Variants in MAP3K2 observed in about 807,000 individuals in gnomAD.
MAP3K2 encodes mitogen-activated protein kinase kinase kinase 2.
A neutral mutation model predicts 80.3 loss-of-function variants in MAP3K2; 24 were observed. The observed-to-expected ratio is 0.30, with a 90% CI of 0.22 to 0.42. MAP3K2 has a LOEUF of 0.42. MAP3K2 is among the 10% of genes least tolerant of loss of function. The pLI is 1.00. For synonymous variants in MAP3K2, 244 were observed against 253.7 expected (o/e 0.96, Z 0.36); for missense variants, 608 against 750.1 (o/e 0.81, Z 2.21).
chr2:127,316,508 T>C (rs1573979596), intron 14 of MAP3K2, among the ~76,000 whole-genome samples: 1 of 152,252 alleles, frequency 6.6e-6, no homozygotes, highest in South Asian at 2.1e-4. Context: ...TTATAACTCC[T>C]AATGAAATTA....
At chr2:127,338,861 A>C (rs1686424446) in intron 3 of MAP3K2, 71 bp downstream of exon 3, 25 of 1,043,742 alleles carry the variant, frequency 2.4e-5, no homozygotes, top group Non-Finnish European at 3.5e-5. Context: ...GAACACATTA[A>C]ACAAGTCCTC....
chr2:127,312,209 A>T (rs1458218493), intron 15 of MAP3K2, among the ~76,000 whole-genome samples: 3 of 152,232 alleles, frequency 2.0e-5, no homozygotes, highest in African/African-American at 7.2e-5. Flanking sequence ...TTCTATGAAG[A>T]TAAGTTTCCT....
chr2:127,373,151 T>C (rs2104891026), intron 1 of MAP3K2, among the ~76,000 whole-genome samples: 1 of 152,350 alleles, frequency 6.6e-6, no homozygotes, highest in East Asian at 1.9e-4. Flanking sequence ...TCCTACCATG[T>C]GTCAGTATCA....
At chr2:127,378,480 C>G (rs748111947) in intron 1 of MAP3K2, among the ~76,000 whole-genome samples, 1 of 151,834 alleles carries the variant, frequency 6.6e-6, no homozygotes, top group Non-Finnish European at 1.5e-5. Context: ...ATCAACTTAC[C>G]GAAAATTAGT....
At chr2:127,357,892 T>C (rs1296668295) in intron 1 of MAP3K2, among the ~76,000 whole-genome samples, 2 of 152,198 alleles carry the variant, frequency 1.3e-5, no homozygotes, top group Non-Finnish European at 2.9e-5. Flanking sequence ...ACCTTGACTT[T>C]GGCAAAGATT....
At chr2:127,355,019 AAAC>A (rs1457027476) in intron 1 of MAP3K2, among the ~76,000 whole-genome samples, 2 of 152,178 alleles carry the variant, frequency 1.3e-5, no homozygotes, top group Non-Finnish European at 2.9e-5. Flanking sequence ...TAAAACCAAT[AAAC>A]AACTACAAAA....
chr2:127,376,916 A>C (rs1213560763), intron 1 of MAP3K2, among the ~76,000 whole-genome samples: 1 of 152,028 alleles, frequency 6.6e-6, no homozygotes, highest in Non-Finnish European at 1.5e-5. Flanking sequence ...TTTAAAAATT[A>C]GTTGGGTATA....
At chr2:127,351,665 A>AT (rs1449367594) in intron 1 of MAP3K2, among the ~76,000 whole-genome samples, 1 of 152,094 alleles carries the variant, frequency 6.6e-6, no homozygotes, top group Non-Finnish European at 1.5e-5. Flanking sequence ...AAATAGTTTC[A>AT]TATCTGATCA....
chr2:127,372,899 C>A (rs1431192865), intron 1 of MAP3K2, among the ~76,000 whole-genome samples: 2 of 152,204 alleles, frequency 1.3e-5, no homozygotes, highest in Non-Finnish European at 2.9e-5. Flanking sequence ...GAGACTTTTG[C>A]ACGACTTATG....
In MAP3K2 at chr2:127,322,390, G is replaced by GA; in HGVS notation, c.839-139dup. On this transcript the variant is annotated intron_variant, in intron 11 of 16. Transcript: ENST00000682094. The surrounding 1 kb of genome is among the most constrained non-coding windows in gnomAD (Gnocchi z 4.2). Reference sequence around the variant, plus strand: ...AACTCAAATAGGAATGATTGGGTGGGAAAAAATAAACAGGATCTGAATACA... The same window carrying GA: ...AACTCAAATAGGAATGATTGGGTGGGAAAAAAATAAACAGGATCTGAATACA... The GA allele has an allele frequency of 1.7e-6, 1 of 593,216 alleles. No individual in the cohort carries two copies. The highest frequency in any genetic ancestry group is 3.0e-6 in the Non-Finnish European group (1 of 338,442). 36.7% of individuals were successfully genotyped at this position (593,216 alleles called of 1,614,324 possible).
At chr2:127,359,985 C>T in intron 1 of MAP3K2, among the ~76,000 whole-genome samples, 1 of 152,142 alleles carries the variant, frequency 6.6e-6, no homozygotes, top group Non-Finnish European at 1.5e-5. Context: ...AATACACCTA[C>T]CATATGACCC....
chr2:127,326,797 T>A lies in MAP3K2; in HGVS notation c.487A>T (p.Ser163Cys), dbSNP rs751821092. Reference sequence around the variant, plus strand: ...GGAATGTAACCTGGGGGAGGAGAACTTCTATCTCTACTAGTAGGACCTCAA... The same window carrying A: ...GGAATGTAACCTGGGGGAGGAGAACATCTATCTCTACTAGTAGGACCTCAA... ...SIIGPTSRDR[S>C]SPPPGYIPDE... Residue 163 changes from serine (S) to cysteine (C), a missense_variant, in exon 8 of 17, where the codon AGT (serine) becomes TGT (cysteine). Ser to Cys is a moderately radical substitution (Grantham distance 112). Transcript: ENST00000682094. 3.8e-6 allele frequency: 6 copies of A among 1,595,084 alleles called. No individual in the cohort carries two copies. The highest frequency in any genetic ancestry group is 5.1e-6 in the Non-Finnish European group (6 of 1,169,994).
chr2:127,351,249 A>G (rs895085089), intron 1 of MAP3K2, among the ~76,000 whole-genome samples: 1 of 152,144 alleles, frequency 6.6e-6, no homozygotes, highest in Admixed American at 6.5e-5. Flanking sequence ...GGTTCTATCA[A>G]TGCTAACCTC....
At chr2:127,342,418 T>TGTGTGTGTGG in intron 2 of MAP3K2, among the ~76,000 whole-genome samples, 1 of 151,572 alleles carries the variant, frequency 6.6e-6, no homozygotes. Context: ...TGTGTGTGTG[T>TGTGTGTGTGG]GTGTATTTGT....
intron 1 of MAP3K2, among the ~76,000 whole-genome samples, chr2:127,355,147 A>G (rs528859180): frequency 2.0e-5 from 3 of 152,280 alleles, no homozygotes; most frequent in East Asian, 1.9e-4. Context: ...AAGAAATGCC[A>G]TAACTGTTTG....
At chr2:127,352,184 C>T (rs751371420) in intron 1 of MAP3K2, among the ~76,000 whole-genome samples, 2 of 152,050 alleles carry the variant, frequency 1.3e-5, no homozygotes, top group Admixed American at 6.5e-5. Flanking sequence ...GCCAACTTCC[C>T]TACTTTTGGT....
chr2:127,358,990 A>C (rs1462958167), intron 1 of MAP3K2, among the ~76,000 whole-genome samples: 2 of 152,150 alleles, frequency 1.3e-5, no homozygotes, highest in Non-Finnish European at 2.9e-5. Context: ...AAAAGGCAAA[A>C]CTATGGAGAC....
In MAP3K2 at chr2:127,317,675, T is replaced by G; in HGVS notation, c.1280A>C (p.Asp427Ala). Reference sequence around the variant, plus strand: ...TATGGAAAGTGTTTTTTCCTGGGGATCCCTCAAACAGCCATAATACTGAAC... The same window carrying G: ...TATGGAAAGTGTTTTTTCCTGGGGAGCCCTCAAACAGCCATAATACTGAAC... ...RIVQYYGCLR[D>A]PQEKTLSIFM... Residue 427 changes from aspartate (D) to alanine (A), a missense_variant, in exon 14 of 17, where the codon GAT becomes GCT. Physicochemically the swap from Asp to Ala is moderately radical, Grantham distance 126. Around this residue, in one of 4 missense-constraint regions of MAP3K2, gnomAD observed 467 missense variants for 521.9 expected, o/e 0.89. Coordinates refer to ENST00000682094, the MANE Select transcript of MAP3K2 (RefSeq NM_001371910.2). 6.3e-7 allele frequency: 1 copy of G among 1,590,774 alleles called. No homozygotes were observed. Among genetic ancestry groups the G allele is most frequent in the Non-Finnish European group, 8.6e-7 (1 of 1,167,372 alleles).
At position 127,317,671 on chromosome 2, in the gene MAP3K2, G is replaced by T; in HGVS notation, c.1284C>A (p.Pro428=). ...IVQYYGCLRD[P]QEKTLSIFME... ...TAAATATGGAAAGTGTTTTTTCCTGGGGATCCCTCAAACAGCCATAATACT... is the reference window on the plus strand; with the variant it reads ...TAAATATGGAAAGTGTTTTTTCCTGTGGATCCCTCAAACAGCCATAATACT... The change falls in exon 14 of 17, where the codon CCC becomes CCA. Residue 428 remains proline, a synonymous_variant. Transcript: ENST00000682094. The T allele has an allele frequency of 6.3e-7, 1 of 1,587,368 alleles. No homozygotes were observed. The highest frequency in any genetic ancestry group is 8.6e-7 in the Non-Finnish European group (1 of 1,165,826).
Sources: allele counts gnomAD v4.1 joint callset (sites outside exome capture counted in the v4.1 genomes callset), GRCh38; gene constraint gnomAD v4.1.1; regional missense constraint gnomAD v4.1.1; non-coding constraint Gnocchi (gnomAD v3.1); transcripts MANE v1.5; gene names NCBI Gene and HGNC (gene_info 2026-07-23, HGNC 2026-07-21).